ABLIM3: variants seen among roughly 807,000 people sequenced by gnomAD.
ABLIM3 encodes the protein actin binding LIM protein family member 3, also known as actin-binding LIM protein 3.
In ABLIM3, 61 loss-of-function variants were observed where a neutral mutation model predicts 109.5. That is an observed-to-expected ratio of 0.56 (90% confidence interval 0.45 to 0.69). The LOEUF is 0.69. ABLIM3 is among the 30% of genes least tolerant of loss of function. ABLIM3 has a pLI of 0.00. For synonymous variants in ABLIM3, 300 were observed against 324.8 expected, an observed-to-expected ratio of 0.92 and a Z score of 0.82; for missense variants, 796 against 889.5, an observed-to-expected ratio of 0.89 and a Z score of 1.34.
intron 3 of ABLIM3, among the ~76,000 whole-genome samples, chr5:149,192,310 C>T (rs961197848): frequency 6.6e-6 from 1 of 151,058 alleles, no homozygotes; most frequent in Non-Finnish European, 1.5e-5. Flanking sequence ...GAAAATTAGT[C>T]TATAATAAGG....
Position 149,231,781 on chromosome 5 carries a change from G to T in ABLIM3, c.816+1074G>T, listed in dbSNP as rs1240098661. 2.6e-5 allele frequency among the ~76,000 whole-genome samples: 4 copies of T among 152,134 alleles called. No individual in the cohort carries two copies. In the East Asian group the frequency reaches 7.7e-4, roughly 29 times the overall value. On this transcript the variant is annotated intron_variant, in intron 9 of 23. Coordinates refer to ENST00000309868, the MANE Select transcript of ABLIM3 (RefSeq NM_014945.5). ...AACCCTGATGCCTGTTGCCATATCTGTGCACCACCTGTTTCATTATATGCT... is the reference window on the plus strand; with the variant it reads ...AACCCTGATGCCTGTTGCCATATCTTTGCACCACCTGTTTCATTATATGCT...
intron 2 of ABLIM3, among the ~76,000 whole-genome samples, chr5:149,158,288 T>C (rs1401432664): frequency 6.6e-6 from 1 of 152,234 alleles, no homozygotes; most frequent in Non-Finnish European, 1.5e-5. Context: ...GAATTATTGC[T>C]GGAGCTTACA....
At position 149,252,850 on chromosome 5, in the gene ABLIM3, A is replaced by T. The variant is rs1412166744; in HGVS notation, c.1938+13A>T. ...GACCCGTTTAGAGGTAAGTCTAAAAAACTGAGCAGGAGCTCTTGGGTTGGA... is the reference window on the plus strand; with the variant it reads ...GACCCGTTTAGAGGTAAGTCTAAAATACTGAGCAGGAGCTCTTGGGTTGGA... On this transcript the variant is annotated intron_variant, in intron 23 of 23. Coordinates refer to ENST00000309868, the MANE Select transcript of ABLIM3 (RefSeq NM_014945.5). The T allele has an allele frequency of 2.5e-6, 4 of 1,608,456 alleles. No individual in the cohort carries two copies. Among genetic ancestry groups the T allele is most frequent in the Non-Finnish European group, 2.6e-6 (3 of 1,175,316 alleles).
chr5:149,189,163 A>C (rs1390707643), intron 3 of ABLIM3, among the ~76,000 whole-genome samples: 1 of 152,066 alleles, frequency 6.6e-6, no homozygotes, highest in Non-Finnish European at 1.5e-5. Flanking sequence ...ATATGCAAAA[A>C]ATGAATTCAC....
chr5:149,241,228 G>A (rs568112976), intron 14 of ABLIM3, among the ~76,000 whole-genome samples: 6 of 152,344 alleles, frequency 3.9e-5, no homozygotes, highest in African/African-American at 1.4e-4. Context: ...TGGGCTCAGA[G>A]GTTGCAACTG....
At chr5:149,236,554 G>A (rs920785247) in intron 10 of ABLIM3, among the ~76,000 whole-genome samples, 6 of 152,082 alleles carry the variant, frequency 3.9e-5, no homozygotes. Flanking sequence ...CATGAGATGC[G>A]GGCTGTCACA....
chr5:149,162,495 T>C (rs752532771), intron 2 of ABLIM3, among the ~76,000 whole-genome samples: 1 of 152,180 alleles, frequency 6.6e-6, no homozygotes, highest in East Asian at 1.9e-4. Flanking sequence ...ATAGTGACCA[T>C]AGGATAGAGG....
chr5:149,225,001 G>A (rs1210192856), intron 8 of ABLIM3, among the ~76,000 whole-genome samples: 1 of 152,148 alleles, frequency 6.6e-6, no homozygotes, highest in Non-Finnish European at 1.5e-5. Flanking sequence ...TGATCACACT[G>A]TTGTTATTAC....
At chr5:149,157,554 G>A (rs1261287517) in intron 2 of ABLIM3, among the ~76,000 whole-genome samples, 3 of 124,772 alleles carry the variant, frequency 2.4e-5, no homozygotes, top group Admixed American at 1.1e-4. Context: ...ACTTATGCTA[G>A]CCAATCAGAG....
intron 8 of ABLIM3, chr5:149,220,856 C>T (rs1168944567): frequency 6.6e-6 from 1 of 152,208 alleles, no homozygotes; most frequent in Non-Finnish European, 1.5e-5. Flanking sequence ...GGGGGCCACG[C>T]TATGTGCCAG....
In ABLIM3 at chr5:149,142,084, A is replaced by G; in HGVS notation, c.-12A>G. 1 of 1,614,084 alleles carries G rather than the reference A, an allele frequency of 6.2e-7. No individual in the cohort carries two copies. The highest frequency in any genetic ancestry group is 1.1e-5 in the South Asian group (1 of 91,070). On this transcript the variant is annotated 5_prime_UTR_variant, in exon 2 of 24. Coordinates refer to ENST00000309868, the MANE Select transcript of ABLIM3 (RefSeq NM_014945.5). ...CCGTATTGAATGAAAGACCCAGTGC[A>G]AAGACATCACCATGAACACTAGCAG...
chr5:149,211,434 A>G (rs557183828), intron 7 of ABLIM3, among the ~76,000 whole-genome samples: 18 of 152,158 alleles, frequency 1.2e-4, no homozygotes, highest in African/African-American at 3.9e-4. Context: ...ATCTTCCTAT[A>G]CTTTGGGACC....
intron 10 of ABLIM3, 149 bp from the exon 11 acceptor site, chr5:149,237,299 A>T: frequency 1.2e-6 from 1 of 817,056 alleles, no homozygotes; most frequent in Non-Finnish European, 1.9e-6. Context: ...TTATTCTAAC[A>T]TTCTACTATT....
At chr5:149,179,461 C>T (rs1298114856) in intron 2 of ABLIM3, among the ~76,000 whole-genome samples, 1 of 152,182 alleles carries the variant, frequency 6.6e-6, no homozygotes, top group Non-Finnish European at 1.5e-5. Context: ...TTTCACTGCT[C>T]ATGATCTTTT....
At chr5:149,228,816 T>C (rs1188365568) in intron 8 of ABLIM3, among the ~76,000 whole-genome samples, 1 of 152,232 alleles carries the variant, frequency 6.6e-6, no homozygotes, top group African/African-American at 2.4e-5. Flanking sequence ...CTTTCCGGTA[T>C]GCAGAGTGCT....
chr5:149,141,931 G>C, intron 1 of ABLIM3, 78 bp from the exon 2 acceptor site: 1 of 1,023,128 alleles, frequency 9.8e-7, no homozygotes, highest in South Asian at 1.4e-5. Flanking sequence ...CTACAGCCCA[G>C]ACAGAGAGGG....
intron 12 of ABLIM3, 37 bp from the exon 13 acceptor site, chr5:149,239,722 C>G: frequency 6.5e-7 from 1 of 1,543,732 alleles, no homozygotes; most frequent in East Asian, 2.4e-5. Flanking sequence ...GCCCACTTAA[C>G]AGCCAGCCAT....
chr5:149,252,185 C>A lies in ABLIM3; in HGVS notation c.1850-16C>A. ...TGGGCTCCATTCTGTGTGTGTGTCT[C>A]TTTTTCTCTCTGCAGAGTACAAGGT... is the stretch of plus-strand genomic sequence containing the variant. On this transcript the variant is annotated splice_polypyrimidine_tract_variant and intron_variant, in intron 21 of 23. Coordinates refer to ENST00000309868, the MANE Select transcript of ABLIM3 (RefSeq NM_014945.5). 1 of 1,613,738 alleles carries A rather than the reference C, an allele frequency of 6.2e-7. No homozygotes were observed. The highest frequency in any genetic ancestry group is 8.5e-7 in the Non-Finnish European group (1 of 1,179,790).
intron 8 of ABLIM3, 27 bp downstream of exon 8, chr5:149,217,073 C>T (rs528708497): frequency 1.9e-6 from 3 of 1,587,780 alleles, no homozygotes; most frequent in Admixed American, 1.7e-5. Context: ...CTCTGTAAGG[C>T]CTTCCGACCT....
Sources: gnomAD v4.1 joint callset for allele counts (sites outside exome capture counted in the v4.1 genomes callset) on GRCh38, gnomAD v4.1.1 for gene constraint, MANE v1.5 for transcripts, NCBI Gene and HGNC (gene_info 2026-07-23, HGNC 2026-07-21) for gene names.